VOPP1: variants seen among roughly 807,000 people sequenced by gnomAD.
VOPP1 encodes WW domain binding protein VOPP1.
In VOPP1, 8 loss-of-function variants were observed where a neutral mutation model predicts 23.5. That is an observed-to-expected ratio of 0.34 (90% CI 0.20 to 0.61). The LOEUF is 0.61. Among genes scored for constraint, VOPP1 ranks in the 20% least tolerant of loss-of-function variants. The probability of loss-of-function intolerance (pLI) is 0.78; values close to 1 mark genes in which losing one functional copy is unlikely to be tolerated. For missense variants in VOPP1, 174 were observed against 238.1 expected (o/e 0.73, Z 1.77); for synonymous variants, 83 against 97.3 (o/e 0.85, Z 0.86).
chr7:55,521,727 C>CACAGG lies in VOPP1; in HGVS notation c.55-602_55-598dup. On this transcript the variant is annotated intron_variant, in intron 1 of 4. Transcript: ENST00000285279. The stretch of plus-strand genomic sequence containing the variant: ...ACATCCCGGAGGCAGGGCCCAGCCC[C>CACAGG]ACAGGGCAGGGCAGGGCAGGGCAGG... The CACAGG allele has an allele frequency of 4.1e-6, 4 of 975,656 alleles. No individual in the cohort carries two copies. The East Asian group carries it at 3.4e-4, about 83-fold the overall frequency. The allele number at this position is 975,656 out of a possible 1,614,324, so 60.4% of individuals were successfully genotyped here. A position where few individuals can be genotyped will look rare whatever the true frequency, so the allele number is the denominator to read the frequency against.
chr7:55,465,749 G>C (rs1040835219), downstream of VOPP1, among the ~76,000 whole-genome samples: 1 of 152,202 alleles, frequency 6.6e-6, no homozygotes, highest in Non-Finnish European at 1.5e-5. Context: ...AAGACACAAA[G>C]CCAGTAATTA....
At chr7:55,505,360 C>A (rs917392260) in intron 2 of VOPP1, among the ~76,000 whole-genome samples, 1 of 152,104 alleles carries the variant, frequency 6.6e-6, no homozygotes, top group Non-Finnish European at 1.5e-5. Flanking sequence ...AGCAGTCTGC[C>A]TGCAGAAAGA....
At chr7:55,463,687 T>G (rs1017121649) in intron 4 of VOPP1, among the ~76,000 whole-genome samples, 2 of 152,208 alleles carry the variant, frequency 1.3e-5, no homozygotes, top group Non-Finnish European at 1.5e-5. Flanking sequence ...CCTGCTGATC[T>G]TCCTCTCCCA....
At chr7:55,478,157 C>A (rs1189965954) in intron 4 of VOPP1, among the ~76,000 whole-genome samples, 2 of 152,220 alleles carry the variant, frequency 1.3e-5, no homozygotes, top group Admixed American at 6.5e-5. Context: ...AGAAGACCAG[C>A]ACGGTCTGGA....
chr7:55,452,493 G>C (rs1282947761), intron 4 of VOPP1, among the ~76,000 whole-genome samples: 1 of 152,132 alleles, frequency 6.6e-6, no homozygotes. Context: ...ATCCTTTCCA[G>C]AAGGTTTTCA....
rs1478545413 is a variant in VOPP1 at position 55,544,662 on chromosome 7, A to C, written c.55-23532T>G. 3.9e-5 allele frequency among the ~76,000 whole-genome samples: 6 copies of C among 152,342 alleles called. No homozygotes were observed. The East Asian group carries it at 1.2e-3, about 29-fold the overall frequency. On this transcript the variant is annotated intron_variant, in intron 1 of 4. Coordinates refer to ENST00000285279, the MANE Select transcript of VOPP1 (RefSeq NM_030796.5). ...GGGGAAACTGAAACTGACGAATGTAATCTAACATTTAACTCTGGAGAGTGT... is the reference window on the plus strand; with the variant it reads ...GGGGAAACTGAAACTGACGAATGTACTCTAACATTTAACTCTGGAGAGTGT...
At chr7:55,460,280 A>T (rs960473340) in intron 4 of VOPP1, among the ~76,000 whole-genome samples, 3 of 152,208 alleles carry the variant, frequency 2.0e-5, no homozygotes, top group Non-Finnish European at 4.4e-5. Flanking sequence ...TTTGTGGCCT[A>T]ACATATGGCC....
chr7:55,538,059 C>T (rs1017064561), intron 1 of VOPP1, among the ~76,000 whole-genome samples: 1 of 152,224 alleles, frequency 6.6e-6, no homozygotes, highest in African/African-American at 2.4e-5. Context: ...CCACACTAAG[C>T]TGCCCTCTGC....
At chr7:55,556,995 T>A (rs1797833049) in intron 1 of VOPP1, among the ~76,000 whole-genome samples, 1 of 152,194 alleles carries the variant, frequency 6.6e-6, no homozygotes, top group South Asian at 2.1e-4. Context: ...TGAATAATGT[T>A]GTAATCCTGC....
chr7:55,525,254 GCC>G (rs1456706041), intron 1 of VOPP1, among the ~76,000 whole-genome samples: 1 of 152,040 alleles, frequency 6.6e-6, no homozygotes, highest in African/African-American at 2.4e-5. Context: ...ACTTTGGGAG[GCC>G]GAGGTGGGTG....
chr7:55,553,172 T>C (rs1797680375), intron 1 of VOPP1, among the ~76,000 whole-genome samples: 1 of 152,234 alleles, frequency 6.6e-6, no homozygotes, highest in Non-Finnish European at 1.5e-5. Flanking sequence ...TCATTTCCAA[T>C]ATATGTGTTG....
rs370662527 is a variant in VOPP1, at chr7:55,562,093, T to C, written c.54+10178A>G. ...ATGACTAGGCTCCAGGTGCAGGTAA[T>C]TGTTCGAAACTCCCTACCTCATTCT... On this transcript the variant is annotated intron_variant, in intron 1 of 4. Transcript: ENST00000285279. The C allele has an allele frequency of 4.4e-4, 309 of 702,660 alleles. 1 individual carries two copies. Among genetic ancestry groups the C allele is most frequent in the South Asian group, 4.3e-3 (292 of 67,576 alleles). The allele number at this position is 702,660 out of a possible 1,614,324, so 43.5% of individuals were successfully genotyped here.
At chr7:55,444,922 T>G (rs899179308) in intron 4 of VOPP1, among the ~76,000 whole-genome samples, 2 of 152,198 alleles carry the variant, frequency 1.3e-5, no homozygotes, top group African/African-American at 4.8e-5. Flanking sequence ...CTGAGAATTT[T>G]CAAACCAGCC....
At chr7:55,505,440 T>C (rs1794645621) in intron 2 of VOPP1, among the ~76,000 whole-genome samples, 1 of 150,362 alleles carries the variant, frequency 6.7e-6, no homozygotes, top group African/African-American at 2.5e-5. Flanking sequence ...ACTCTAGGAG[T>C]GCGCAGAAAA....
chr7:55,473,909 G>GT (rs568423856), intron 4 of VOPP1, among the ~76,000 whole-genome samples: 3 of 151,934 alleles, frequency 2.0e-5, no homozygotes, highest in East Asian at 3.8e-4. Flanking sequence ...ATTGTGTAGG[G>GT]TTTTTTTTCT....
chr7:55,529,449 C>T (rs1426980010), intron 1 of VOPP1, among the ~76,000 whole-genome samples: 1 of 151,724 alleles, frequency 6.6e-6, no homozygotes, highest in Non-Finnish European at 1.5e-5. Context: ...CATGTGCACC[C>T]AGGAGCTCCT....
chr7:55,445,786 A>G (rs902984077), intron 4 of VOPP1, among the ~76,000 whole-genome samples: 5 of 152,238 alleles, frequency 3.3e-5, no homozygotes, highest in African/African-American at 9.6e-5. Flanking sequence ...CACTAGCCAC[A>G]TATGGGTATT....
At chr7:55,521,270 T>A in intron 1 of VOPP1, 140 bp from the exon 2 acceptor site, 1 of 847,538 alleles carries the variant, frequency 1.2e-6, no homozygotes, top group Non-Finnish European at 1.8e-6. Flanking sequence ...GACAATGCAT[T>A]ACAGGGAGAG....
Position 55,445,991 on chromosome 7 carries a change from C to CTT in VOPP1, n.418-9819_418-9818dup, listed in dbSNP as rs3066310. On this transcript the variant is annotated intron_variant and non_coding_transcript_variant, in intron 4 of 4. Transcript: ENST00000462326. ...CTGTTGTGGAGGTATCCAGGTGAAA[C>CTT]TTTTTTTTTTTTTTTTTTTGAGACG... 4.2e-3 allele frequency among the ~76,000 whole-genome samples: 540 copies of CTT among 128,262 alleles called. 5 individuals are homozygous for CTT. Among genetic ancestry groups the CTT allele is most frequent in the African/African-American group, 7.4e-3 (253 of 34,126 alleles). The allele number at this position is 128,262 out of a possible 152,430, so 84.1% of individuals were successfully genotyped here.
Sources: allele counts gnomAD v4.1 joint callset (sites outside exome capture counted in the v4.1 genomes callset), GRCh38; gene constraint gnomAD v4.1.1; transcripts MANE v1.5; gene names NCBI Gene and HGNC (gene_info 2026-07-23, HGNC 2026-07-21).